Variants in CSMD1 observed in about 807,000 individuals in gnomAD.
CSMD1 encodes the protein CUB and sushi domain-containing protein 1.
Under a neutral mutation model 417.5 loss-of-function variants are expected in CSMD1, and 213 were observed. The observed-to-expected ratio is 0.51, with a 90% CI of 0.46 to 0.57. The LOEUF is 0.57. Among genes scored for constraint, CSMD1 ranks in the 20% least tolerant of loss-of-function variants. The pLI, the probability that CSMD1 is intolerant of heterozygous loss-of-function variation, is 0.00. For missense variants in CSMD1, 6,923 were observed against 4,529.7 expected, an observed-to-expected ratio of 1.53 and a Z score of -15.17; for synonymous variants, 2,862 against 1,736.8, an observed-to-expected ratio of 1.65 and a Z score of -16.11.
intron 25 of CSMD1, chr8:3,284,625 T>C (rs2117239436): frequency 2.5e-6 from 1 of 399,140 alleles, no homozygotes; most frequent in Non-Finnish European, 4.7e-6. Flanking sequence ...AAAGGATTGC[T>C]TTTGAGACTT....
intron 1 of CSMD1, among the ~76,000 whole-genome samples, chr8:4,910,419 T>G (rs10216662): frequency 0.25 from 37,422 of 152,192 alleles, 5,341 homozygotes; most frequent in East Asian, 0.53. Flanking sequence ...TTTCACATTC[T>G]GGAGGCTGAG....
At chr8:3,088,786 A>G (rs1814717193) in intron 48 of CSMD1, among the ~76,000 whole-genome samples, 1 of 151,828 alleles carries the variant, frequency 6.6e-6, no homozygotes, top group Admixed American at 6.6e-5. Context: ...TAGTTTAGAC[A>G]AAGTATGAGT....
At chr8:3,292,156 T>G (rs1354037210) in intron 25 of CSMD1, among the ~76,000 whole-genome samples, 1 of 152,186 alleles carries the variant, frequency 6.6e-6, no homozygotes, top group African/African-American at 2.4e-5. Flanking sequence ...TTTCTTTATC[T>G]TGAGTTCTAG....
chr8:3,313,609 G>C (rs906950865), intron 23 of CSMD1, among the ~76,000 whole-genome samples: 13 of 152,132 alleles, frequency 8.5e-5, no homozygotes, highest in African/African-American at 2.9e-4. Context: ...TCATTAAAAA[G>C]TCAGGAAACA....
At chr8:4,600,270 G>A (rs1800513243) in intron 2 of CSMD1, among the ~76,000 whole-genome samples, 1 of 152,052 alleles carries the variant, frequency 6.6e-6, no homozygotes, top group African/African-American at 2.4e-5. Context: ...CACTGGATTT[G>A]ACTTCCAGGT....
At position 3,678,561 on chromosome 8, in the gene CSMD1, T is replaced by C. The variant is rs145559804; in HGVS notation, c.1009+29853A>G. Reference sequence around the variant, plus strand: ...GTGAAAAGACCAAATCTATGTCTGATTGGTGTACCTGAGAGTGACGGGGAG... The same window carrying C: ...GTGAAAAGACCAAATCTATGTCTGACTGGTGTACCTGAGAGTGACGGGGAG... On this transcript the variant is annotated intron_variant, in intron 7 of 69. Transcript: ENST00000635120. Among the ~76,000 whole-genome samples, 1,404 of 152,246 alleles carry C rather than the reference T, an allele frequency of 9.2e-3. 24 individuals carry two copies. The highest frequency in any genetic ancestry group is 0.031 in the African/African-American group (1,280 of 41,550).
chr8:4,056,438 T>A (rs1230770960), intron 3 of CSMD1, among the ~76,000 whole-genome samples: 1 of 151,928 alleles, frequency 6.6e-6, no homozygotes. Flanking sequence ...AAACTAACAT[T>A]AAAATTTATT....
intron 5 of CSMD1, among the ~76,000 whole-genome samples, chr8:3,951,287 C>A (rs376410217): frequency 6.6e-6 from 1 of 152,190 alleles, no homozygotes; most frequent in East Asian, 1.9e-4. Context: ...CCCTGGCCCA[C>A]CTTTGTGTCT....
In CSMD1 at chr8:3,783,532, T is replaced by C. The variant is rs7830459; in HGVS notation, c.819-29490A>G. On this transcript the variant is annotated intron_variant, in intron 5 of 69. Transcript: ENST00000635120. ...GACCTGAATCCTGTGCTGAGGGTGC[T>C]GCCCCTAAGGTGGGCACAGGAGGAA... 3.9e-3 allele frequency among the ~76,000 whole-genome samples: 594 copies of C among 152,292 alleles called. 1 individual carries two copies. The highest frequency in any genetic ancestry group is 0.014 in the African/African-American group (572 of 41,564).
At chr8:4,862,161 G>A (rs1237012262) in intron 1 of CSMD1, among the ~76,000 whole-genome samples, 1 of 152,014 alleles carries the variant, frequency 6.6e-6, no homozygotes, top group Non-Finnish European at 1.5e-5. Context: ...GTGAACGGGA[G>A]CTGAGGTGGG....
intron 1 of CSMD1, among the ~76,000 whole-genome samples, chr8:4,932,602 T>C (rs141978886): frequency 1.3e-5 from 2 of 152,310 alleles, no homozygotes; most frequent in African/African-American, 2.4e-5. Flanking sequence ...TTTTGGCAAA[T>C]AGACCCAACA....
At chr8:4,611,091 T>C (rs1025691034) in intron 2 of CSMD1, among the ~76,000 whole-genome samples, 1 of 152,270 alleles carries the variant, frequency 6.6e-6, no homozygotes, top group Middle Eastern at 3.4e-3. Context: ...CCATAGAGAA[T>C]TGCCTACTGC....
chr8:4,582,870 G>A (rs1243109595), intron 2 of CSMD1, among the ~76,000 whole-genome samples: 7 of 152,218 alleles, frequency 4.6e-5, no homozygotes, highest in African/African-American at 7.2e-5. Context: ...AGGCACTTGC[G>A]GGCCAGCTGG....
intron 25 of CSMD1, among the ~76,000 whole-genome samples, chr8:3,288,088 T>G (rs1018639602): frequency 1.4e-5 from 2 of 147,554 alleles, no homozygotes; most frequent in Non-Finnish European, 2.9e-5. Context: ...TGGTTCTGTT[T>G]ATATGCTGGA....
chr8:4,230,528 T>G (rs112367947), intron 3 of CSMD1, among the ~76,000 whole-genome samples: 5 of 152,210 alleles, frequency 3.3e-5, no homozygotes, highest in African/African-American at 1.2e-4. Flanking sequence ...TACAGAGTTT[T>G]TAGGCCAGTT....
At chr8:4,198,883 T>C (rs1162255382) in intron 3 of CSMD1, among the ~76,000 whole-genome samples, 9 of 152,210 alleles carry the variant, frequency 5.9e-5, no homozygotes, top group Admixed American at 5.9e-4. Flanking sequence ...TTCCTTTTAA[T>C]TTAATTAAAA....
At chr8:4,291,195 G>C (rs1395763848) in intron 3 of CSMD1, among the ~76,000 whole-genome samples, 2 of 151,590 alleles carry the variant, frequency 1.3e-5, no homozygotes, top group African/African-American at 4.9e-5. Flanking sequence ...ATACATTATT[G>C]GTATTTTAAT....
intron 2 of CSMD1, among the ~76,000 whole-genome samples, chr8:4,509,670 A>C (rs1344581171): frequency 2.6e-5 from 4 of 152,300 alleles, no homozygotes; most frequent in Admixed American, 1.3e-4. Flanking sequence ...AGTCCATAAT[A>C]ATAATCACAG....
intron 2 of CSMD1, among the ~76,000 whole-genome samples, chr8:4,565,740 AAATATATACATATATATATATATATATAT>A (rs1317305281): frequency 1.7e-5 from 2 of 117,408 alleles, no homozygotes; most frequent in African/African-American, 3.4e-5. Flanking sequence ...ACCTTAAAAA[AAATATATACATATATATATATATATATAT>A]ATATATATAT....
Sources: gnomAD v4.1 joint callset for allele counts (sites outside exome capture counted in the v4.1 genomes callset) on GRCh38, gnomAD v4.1.1 for gene constraint, MANE v1.5 for transcripts, NCBI Gene and HGNC (gene_info 2026-07-23, HGNC 2026-07-21) for gene names.